The following ZSWIM3 variants were observed in gnomAD, a reference collection of about 807,000 sequenced individuals.
The protein encoded by ZSWIM3 is zinc finger SWIM domain-containing protein 3.
A neutral mutation model predicts 47.5 loss-of-function variants in ZSWIM3; 27 were observed. The observed-to-expected ratio is 0.57, with a 90% CI of 0.42 to 0.78. The LOEUF is 0.78. ZSWIM3 is among the 30% of genes least tolerant of loss of function. The pLI is 0.00. For missense variants in ZSWIM3, 689 were observed against 861.3 expected (o/e 0.80, Z 2.50); for synonymous variants, 333 against 333.9 (o/e 1.00, Z 0.03).
chr20:45,868,634 C>T (rs997035018), intron 1 of ZSWIM3, among the ~76,000 whole-genome samples: 8 of 151,820 alleles, frequency 5.3e-5, no homozygotes, highest in South Asian at 2.1e-4. Flanking sequence ...CCACTCGCCT[C>T]GGTCTCCCAA....
In ZSWIM3 at chr20:45,878,471, T is replaced by A. The variant is rs1986162988; in HGVS notation, c.1913T>A (p.Leu638Gln). ...NLLMQTEGPE[L>Q]EERYSTLRKI... ...CTCATGCAGACCGAGGGGCCAGAGC[T>A]GGAGGAACGCTACTCCACCCTGCGC... The change falls in exon 2 of 2, where the codon CTG (leucine) becomes CAG (glutamine). Residue 638 changes from leucine (L) to glutamine (Q), a missense_variant. Physicochemically the swap from Leu to Gln is moderately radical, Grantham distance 113. Coordinates refer to ENST00000255152, the MANE Select transcript of ZSWIM3 (RefSeq NM_080752.4). 4 of 1,614,188 alleles carry A rather than the reference T, an allele frequency of 2.5e-6. No homozygotes were observed. The East Asian group carries it at 8.9e-5, about 36-fold the overall frequency.
chr20:45,872,019 C>G (rs1173200746), intron 1 of ZSWIM3, among the ~76,000 whole-genome samples: 1 of 152,146 alleles, frequency 6.6e-6, no homozygotes, highest in African/African-American at 2.4e-5. Context: ...GTTAACTAGT[C>G]AGACTGCAGA....
At chr20:45,865,654 C>T (rs1034473898) in intron 1 of ZSWIM3, among the ~76,000 whole-genome samples, 3 of 152,102 alleles carry the variant, frequency 2.0e-5, no homozygotes, top group African/African-American at 7.2e-5. Flanking sequence ...AACTTAACCT[C>T]TTCACATAGT....
chr20:45,870,067 AAG>A (rs1985938741), intron 1 of ZSWIM3, among the ~76,000 whole-genome samples: 4 of 147,324 alleles, frequency 2.7e-5, no homozygotes, highest in African/African-American at 7.5e-5. Flanking sequence ...AAAAAAAGAA[AAG>A]GCCAAGCGTG....
At position 45,878,615 on chromosome 20, in the gene ZSWIM3, G is replaced by T; in HGVS notation, c.2057G>T (p.Gly686Val). Reference sequence around the variant, plus strand: ...TGGGGAAAGCAAGAAGAAGGGGAGGGATTCCCTCCTGCTACAGCTGTGATG... The same window carrying T: ...TGGGGAAAGCAAGAAGAAGGGGAGGTATTCCCTCCTGCTACAGCTGTGATG... ...FLWGKQEEGEGFPPATAVMHY is the reference protein window; with the variant it reads ...FLWGKQEEGEVFPPATAVMHY The change falls in exon 2 of 2, where the codon GGA becomes GTA. Residue 686 changes from glycine (G) to valine (V), a missense_variant. Coordinates refer to ENST00000255152, the MANE Select transcript of ZSWIM3 (RefSeq NM_080752.4). The T allele has an allele frequency of 6.2e-7, 1 of 1,612,208 alleles. No homozygotes were observed. The highest frequency in any genetic ancestry group is 2.2e-5 in the East Asian group (1 of 44,812).
At chr20:45,858,143 T>C (rs997885008) in intron 1 of ZSWIM3, among the ~76,000 whole-genome samples, 163 bp downstream of exon 1, 2 of 152,224 alleles carry the variant, frequency 1.3e-5, no homozygotes, top group Non-Finnish European at 2.9e-5. Flanking sequence ...TGAAGAGAGC[T>C]AAGCCTCCAC....
intron 1 of ZSWIM3, among the ~76,000 whole-genome samples, chr20:45,868,222 C>T (rs1025753067): frequency 6.6e-6 from 1 of 152,116 alleles, no homozygotes; most frequent in African/African-American, 2.4e-5. Flanking sequence ...TGATAGAAAA[C>T]CTTCAGCCTT....
rs188381067 is a variant in ZSWIM3, at chr20:45,857,713, A to G, written c.-113A>G. On this transcript the variant is annotated 5_prime_UTR_variant, in exon 1 of 2. Coordinates refer to ENST00000255152, the MANE Select transcript of ZSWIM3 (RefSeq NM_080752.4). ...GCCACCCAGTTGGGGCGGACCCTTA[A>G]GGCATTCTGGGCCCACGCCTGCCTA... 3,571 of 1,343,678 alleles carry G rather than the reference A, an allele frequency of 2.7e-3. 29 individuals are homozygous for G. The highest frequency in any genetic ancestry group is 2.4e-3 in the Non-Finnish European group (2,301 of 975,466). The allele number at this position is 1,343,678 out of a possible 1,614,324, so 83.2% of individuals were successfully genotyped here. A position where few individuals can be genotyped will look rare whatever the true frequency, so the allele number is the denominator to read the frequency against.
At chr20:45,863,771 A>G (rs1414999196) in intron 1 of ZSWIM3, among the ~76,000 whole-genome samples, 1 of 152,232 alleles carries the variant, frequency 6.6e-6, no homozygotes, top group East Asian at 1.9e-4. Context: ...ACCAGGGCAG[A>G]CAGATCACCT....
At chr20:45,865,708 A>G (rs961611862) in intron 1 of ZSWIM3, among the ~76,000 whole-genome samples, 3 of 151,858 alleles carry the variant, frequency 2.0e-5, no homozygotes, top group Non-Finnish European at 4.4e-5. Context: ...TGATTAAGAA[A>G]AATTCAGGGC....
chr20:45,874,300 T>C (rs1431484644), intron 1 of ZSWIM3, among the ~76,000 whole-genome samples: 1 of 152,128 alleles, frequency 6.6e-6, no homozygotes, highest in African/African-American at 2.4e-5. Flanking sequence ...TCACTTGAGG[T>C]CAGGGGTTCG....
intron 1 of ZSWIM3, among the ~76,000 whole-genome samples, chr20:45,876,098 A>T (rs1252692632): frequency 1.3e-5 from 2 of 150,884 alleles, no homozygotes; most frequent in Non-Finnish European, 3.0e-5. Flanking sequence ...GCTGGAGTGC[A>T]ATGGCGCGAT....
chr20:45,874,988 A>C (rs929456268), intron 1 of ZSWIM3, among the ~76,000 whole-genome samples: 1 of 150,122 alleles, frequency 6.7e-6, no homozygotes, highest in East Asian at 2.0e-4. Flanking sequence ...AACTCTCAGG[A>C]GATCCTGAGA....
intron 1 of ZSWIM3, among the ~76,000 whole-genome samples, chr20:45,864,767 A>G (rs1037213610): frequency 2.6e-5 from 4 of 152,222 alleles, no homozygotes; most frequent in Admixed American, 6.5e-5. Context: ...GGGCTGAGGC[A>G]GGAGGATCCC....
intron 1 of ZSWIM3, among the ~76,000 whole-genome samples, chr20:45,858,894 T>C (rs1355548030): frequency 1.3e-5 from 2 of 152,192 alleles, no homozygotes; most frequent in Non-Finnish European, 2.9e-5. Context: ...TCAAATGCCT[T>C]CAGGGATTAG....
intron 1 of ZSWIM3, among the ~76,000 whole-genome samples, chr20:45,860,392 G>A (rs889095867): frequency 1.7e-3 from 246 of 146,292 alleles, no homozygotes; most frequent in Non-Finnish European, 5.1e-4. Flanking sequence ...GCACATGCCC[G>A]TAATCCCAGC....
chr20:45,857,879 C>T lies in ZSWIM3; in HGVS notation c.54C>T (p.Ser18=), dbSNP rs753413252. The change falls in exon 1 of 2, where the codon AGC becomes AGT. Residue 18 remains serine, a synonymous_variant. Transcript: ENST00000255152. Reference sequence around the variant, plus strand: ...ATGAGGACTTCAAGGAGTGCTTCAGCGCCTACAAAAGGGAGAACAGGTGCT... The same window carrying T: ...ATGAGGACTTCAAGGAGTGCTTCAGTGCCTACAAAAGGGAGAACAGGTGCT... ...KTYEDFKECF[S]AYKRENRCSF... is the part of the protein sequence containing the mutation. 2 of 1,614,104 alleles carry T rather than the reference C, an allele frequency of 1.2e-6. No homozygotes were observed. Among genetic ancestry groups the T allele is most frequent in the Admixed American group, 3.3e-5 (2 of 60,002 alleles).
chr20:45,861,506 G>C (rs1985707727), intron 1 of ZSWIM3, among the ~76,000 whole-genome samples: 1 of 152,148 alleles, frequency 6.6e-6, no homozygotes, highest in African/African-American at 2.4e-5. Context: ...TTAGCTAGAA[G>C]GAAGGATTTA....
intron 1 of ZSWIM3, among the ~76,000 whole-genome samples, chr20:45,866,427 A>AC (rs987385993): frequency 9.2e-5 from 14 of 151,678 alleles, no homozygotes; most frequent in African/African-American, 2.2e-4. Context: ...AGTAAAAAAG[A>AC]CCCCCCCTTG....
Sources: gnomAD v4.1 joint callset for allele counts (sites outside exome capture counted in the v4.1 genomes callset) on GRCh38, gnomAD v4.1.1 for gene constraint, MANE v1.5 for transcripts, NCBI Gene and HGNC (gene_info 2026-07-23, HGNC 2026-07-21) for gene names.